The following ZBTB20 variants were observed in gnomAD, a reference collection of about 807,000 sequenced individuals.
The protein encoded by ZBTB20 is zinc finger and BTB domain containing 20, also known as zinc finger and BTB domain-containing protein 20.
ZBTB20 carries 9 observed loss-of-function variants against 56.9 expected under a neutral mutation model. That is an observed-to-expected ratio of 0.16 (90% CI 0.10 to 0.28). The LOEUF is 0.28. Ranked by LOEUF, ZBTB20 falls within the 10% of genes least tolerant of loss-of-function variation. ZBTB20 has a pLI of 1.00. For missense variants in ZBTB20, 655 were observed against 1,003.0 expected (o/e 0.65, Z 4.69); for synonymous variants, 417 against 420.7 (o/e 0.99, Z 0.11).
intron 1 of ZBTB20, among the ~76,000 whole-genome samples, chr3:115,085,576 T>C (rs557911897): frequency 6.6e-6 from 1 of 152,092 alleles, no homozygotes; most frequent in Non-Finnish European, 1.5e-5. Context: ...AGACATAAAA[T>C]AGTCCTTAAA....
At position 114,323,435 on chromosome 3, in the gene ZBTB20, C is replaced by G. The variant is rs1433841845; in HGVS notation, c.*15570G>C. 6.6e-6 allele frequency: 1 copy of G among 152,164 alleles called. No homozygotes were observed. Among genetic ancestry groups the G allele is most frequent in the African/African-American group, 2.4e-5 (1 of 41,430 alleles). The allele number at this position is 152,164 out of a possible 1,614,324, so 9.4% of individuals were successfully genotyped here. A position where few individuals can be genotyped will look rare whatever the true frequency, so the allele number is the denominator to read the frequency against. On this transcript the variant is annotated 3_prime_UTR_variant, in exon 12 of 12. Coordinates refer to ENST00000675478, the MANE Select transcript of ZBTB20 (RefSeq NM_001348800.3). The stretch of plus-strand genomic sequence containing the variant: ...ATGCATAGCCTTCCTCTTTGGTTAG[C>G]CTGATCTAGGTTTCACCCAGGGATG...
chr3:115,124,681 GC>G (rs1369086143), intron 1 of ZBTB20, among the ~76,000 whole-genome samples: 1 of 152,088 alleles, frequency 6.6e-6, no homozygotes, highest in Non-Finnish European at 1.5e-5. Context: ...CTATAAACAG[GC>G]CCTTGCAGAT....
chr3:114,536,116 C>T (rs1447859628), intron 6 of ZBTB20, among the ~76,000 whole-genome samples: 1 of 152,174 alleles, frequency 6.6e-6, no homozygotes, highest in Non-Finnish European at 1.5e-5. Flanking sequence ...CTCACCACTC[C>T]TATTTAACAC....
intron 10 of ZBTB20, among the ~76,000 whole-genome samples, chr3:114,360,295 T>C (rs1217693595): frequency 6.6e-6 from 1 of 151,964 alleles, no homozygotes; most frequent in Non-Finnish European, 1.5e-5. Flanking sequence ...GAGACCGCTG[T>C]TTTTCAAGAG....
intron 7 of ZBTB20, among the ~76,000 whole-genome samples, chr3:114,418,409 T>C (rs748923714): frequency 6.6e-6 from 1 of 152,064 alleles, no homozygotes; most frequent in Non-Finnish European, 1.5e-5. Context: ...AAATTCTGTA[T>C]TGCAACCCTT....
intron 4 of ZBTB20, among the ~76,000 whole-genome samples, chr3:114,888,836 T>A (rs777298601): frequency 6.6e-6 from 1 of 152,140 alleles, no homozygotes; most frequent in Non-Finnish European, 1.5e-5. Flanking sequence ...ATTTAAGCCA[T>A]TATAGAAGCA....
intron 4 of ZBTB20, among the ~76,000 whole-genome samples, chr3:114,804,848 C>A (rs2071983688): frequency 6.6e-6 from 1 of 151,798 alleles, no homozygotes; most frequent in African/African-American, 2.4e-5. Flanking sequence ...ACAATCATAA[C>A]TAATATCATT....
intron 6 of ZBTB20, among the ~76,000 whole-genome samples, chr3:114,530,815 C>T (rs1217905503): frequency 6.6e-6 from 1 of 152,034 alleles, no homozygotes; most frequent in South Asian, 2.1e-4. Flanking sequence ...TCATCACTGC[C>T]CCTCCCTGAA....
At chr3:115,050,315 T>C (rs2081496540) in intron 2 of ZBTB20, among the ~76,000 whole-genome samples, 1 of 151,980 alleles carries the variant, frequency 6.6e-6, no homozygotes, top group African/African-American at 2.4e-5. Context: ...TAATTATGTA[T>C]ATGCTATGAA....
intron 6 of ZBTB20, among the ~76,000 whole-genome samples, chr3:114,544,406 C>CTTCTTTCTTTCT (rs200949949): frequency 1.2e-4 from 15 of 121,406 alleles, no homozygotes; most frequent in South Asian, 5.8e-4. Flanking sequence ...AACTAGATTT[C>CTTCTTTCTTTCT]TTCTTTCTTT....
At chr3:115,036,316 T>C (rs1490104191) in intron 2 of ZBTB20, among the ~76,000 whole-genome samples, 6 of 152,148 alleles carry the variant, frequency 3.9e-5, no homozygotes, top group African/African-American at 1.2e-4. Context: ...CTTTTTTTTT[T>C]CCGAGACGGA....
At chr3:114,722,760 G>A (rs1012715290) in intron 5 of ZBTB20, among the ~76,000 whole-genome samples, 12 of 152,054 alleles carry the variant, frequency 7.9e-5, no homozygotes, top group African/African-American at 2.9e-4. Flanking sequence ...ATGACATACC[G>A]ATGAAAACAA....
At chr3:114,538,954 G>T (rs2048795194) in intron 6 of ZBTB20, among the ~76,000 whole-genome samples, 1 of 152,106 alleles carries the variant, frequency 6.6e-6, no homozygotes, top group South Asian at 2.1e-4. Flanking sequence ...ATTGATTGTT[G>T]TCCCTCTGTA....
chr3:114,622,851 A>C (rs1335740084), intron 6 of ZBTB20, among the ~76,000 whole-genome samples: 1 of 152,174 alleles, frequency 6.6e-6, no homozygotes, highest in African/African-American at 2.4e-5. Flanking sequence ...CAAAACAATA[A>C]AATAACATCT....
chr3:114,833,898 T>C (rs1449005121), intron 4 of ZBTB20, among the ~76,000 whole-genome samples: 1 of 151,906 alleles, frequency 6.6e-6, no homozygotes, highest in Non-Finnish European at 1.5e-5. Flanking sequence ...CAAGGAAAGG[T>C]TAAAATAAGT....
intron 4 of ZBTB20, among the ~76,000 whole-genome samples, chr3:114,850,213 C>A (rs1294031075): frequency 6.6e-6 from 1 of 152,028 alleles, no homozygotes; most frequent in Non-Finnish European, 1.5e-5. Context: ...ATCAGGAAAT[C>A]TTTCCCAAAA....
intron 5 of ZBTB20, among the ~76,000 whole-genome samples, chr3:114,781,921 C>T (rs2070132179): frequency 6.6e-6 from 1 of 152,166 alleles, no homozygotes; most frequent in Non-Finnish European, 1.5e-5. Flanking sequence ...TCTACCCAGC[C>T]ACGTGAAACT....
chr3:114,636,939 C>CAAT (rs1292376803), intron 6 of ZBTB20, among the ~76,000 whole-genome samples: 2 of 151,544 alleles, frequency 1.3e-5, no homozygotes, highest in Non-Finnish European at 2.9e-5. Flanking sequence ...AAAACAACAA[C>CAAT]AACACACTTT....
At chr3:114,640,287 C>T (rs955642775) in intron 6 of ZBTB20, among the ~76,000 whole-genome samples, 10 of 152,102 alleles carry the variant, frequency 6.6e-5, no homozygotes, top group South Asian at 2.1e-4. Context: ...AGGGACAGGG[C>T]GGGGTGAATG....
Sources: allele counts gnomAD v4.1 joint callset (sites outside exome capture counted in the v4.1 genomes callset), GRCh38; gene constraint gnomAD v4.1.1; transcripts MANE v1.5; gene names NCBI Gene and HGNC (gene_info 2026-07-23, HGNC 2026-07-21).